The following CSMD2 variants were observed in gnomAD, a reference collection of about 807,000 sequenced individuals.
CSMD2 encodes the protein CUB and sushi domain-containing protein 2.
Under a neutral mutation model 398.5 loss-of-function variants are expected in CSMD2, and 130 were observed. That is an observed-to-expected ratio of 0.33 (90% CI 0.28 to 0.38). The LOEUF is 0.38. CSMD2 is among the 10% of genes least tolerant of loss of function. CSMD2 has a pLI of 1.00. For synonymous variants in CSMD2, 1,828 were observed against 1,908.5 expected (o/e 0.96, Z 1.10); for missense variants, 3,829 against 4,764.9 (o/e 0.80, Z 5.78).
At chr1:33,926,392 T>C (rs1330138776) in intron 4 of CSMD2, among the ~76,000 whole-genome samples, 1 of 152,174 alleles carries the variant, frequency 6.6e-6, no homozygotes. Context: ...TTCCCAACTG[T>C]AGGCAATGAT....
At chr1:33,631,789 T>C (rs901541752) in intron 32 of CSMD2, among the ~76,000 whole-genome samples, 1 of 152,152 alleles carries the variant, frequency 6.6e-6, no homozygotes, top group African/African-American at 2.4e-5. Context: ...GTAAGTTTTA[T>C]TAAATCCCAG....
intron 2 of CSMD2, among the ~76,000 whole-genome samples, chr1:34,058,616 G>A (rs1437513804): frequency 6.6e-6 from 1 of 152,194 alleles, no homozygotes; most frequent in Non-Finnish European, 1.5e-5. Context: ...TTTAGAGCTG[G>A]AATCACCACC....
At chr1:33,981,090 G>A (rs1646149063) in intron 3 of CSMD2, among the ~76,000 whole-genome samples, 1 of 152,176 alleles carries the variant, frequency 6.6e-6, no homozygotes, top group South Asian at 2.1e-4. Flanking sequence ...TTGGGAGAGA[G>A]GAGAAAGTGC....
chr1:33,529,409 G>A (rs533437682), intron 64 of CSMD2, among the ~76,000 whole-genome samples: 1 of 152,268 alleles, frequency 6.6e-6, no homozygotes, highest in African/African-American at 2.4e-5. Context: ...AAGTAATCAG[G>A]GCTGGGTGGT....
intron 6 of CSMD2, among the ~76,000 whole-genome samples, chr1:33,832,320 A>C (rs866823668): frequency 2.6e-5 from 4 of 151,872 alleles, no homozygotes; most frequent in South Asian, 2.1e-4. Flanking sequence ...GTCTCTCAGA[A>C]CACAGTGCAA....
chr1:33,689,147 C>A (rs1053365035), intron 25 of CSMD2, among the ~76,000 whole-genome samples: 1 of 151,486 alleles, frequency 6.6e-6, no homozygotes, highest in Non-Finnish European at 1.5e-5. Context: ...AGGGGGAGGA[C>A]GGAGTGAGCA....
In CSMD2 at chr1:33,929,671, C is replaced by T. The variant is rs531358926; in HGVS notation, c.712+6089G>A. On this transcript the variant is annotated intron_variant, in intron 4 of 70. Transcript: ENST00000373381. ...CAGGCTGGTCTCAAACTCCTGATCT[C>T]GCGATCTGCCCGCTTCAGCCTCCGC... Among the ~76,000 whole-genome samples the T allele has an allele frequency of 5.3e-5, 8 of 152,172 alleles. 1 individual carries two copies. Among genetic ancestry groups the T allele is most frequent in the African/African-American group, 1.7e-4 (7 of 41,508 alleles).
At chr1:33,793,606 G>A (rs1654592725) in intron 10 of CSMD2, among the ~76,000 whole-genome samples, 1 of 152,198 alleles carries the variant, frequency 6.6e-6, no homozygotes, top group Non-Finnish European at 1.5e-5. Flanking sequence ...CAGGGGAGGA[G>A]CAGTAGAGTT....
rs549465253 is a variant in CSMD2 at position 33,798,262 on chromosome 1, C to A, written c.1447-5736G>T. On this transcript the variant is annotated intron_variant, in intron 10 of 70. Transcript: ENST00000373381. ...GGCACATTTGTATACAGCTCAGACA[C>A]CCAATTTAAACCCATTAGATAAATG... Among the ~76,000 whole-genome samples the A allele has an allele frequency of 1.2e-4, 18 of 152,290 alleles. No individual in the cohort carries two copies. The South Asian group carries it at 2.9e-3, about 25-fold the overall frequency.
At chr1:34,114,294 TTTG>T (rs71571768) in intron 1 of CSMD2, among the ~76,000 whole-genome samples, 9 of 150,766 alleles carry the variant, frequency 6.0e-5, no homozygotes, top group African/African-American at 9.7e-5. Flanking sequence ...GGAGAACTCC[TTTG>T]TTGTTGTTGT....
At chr1:33,861,792 A>T (rs564978596) in intron 5 of CSMD2, among the ~76,000 whole-genome samples, 148 of 152,306 alleles carry the variant, frequency 9.7e-4, no homozygotes, top group African/African-American at 3.4e-3. Context: ...GAAAGGGGGC[A>T]ATGCCTGTAC....
At position 33,658,073 on chromosome 1, in the gene CSMD2, A is replaced by G. The variant is rs1265819569; in HGVS notation, c.4320T>C (p.Ser1440=). The part of the protein sequence containing the change: ...IPQNGSRSGD[S]WEAGDSTVFQ... ...ACACTGTGGAGTCGCCGGCTTCCCA[A>G]CTGTCACCACTCCGACTCCCATTCT... The change falls in exon 27 of 71, where the codon AGT becomes AGC. Residue 1440 remains serine (S), a synonymous_variant. Transcript: ENST00000373381. The G allele has an allele frequency of 6.2e-7, 1 of 1,614,116 alleles. No homozygotes were observed. Among genetic ancestry groups the G allele is most frequent in the Non-Finnish European group, 8.5e-7 (1 of 1,180,024 alleles).
intron 25 of CSMD2, among the ~76,000 whole-genome samples, chr1:33,674,029 G>A (rs552757185): frequency 6.6e-6 from 1 of 152,268 alleles, no homozygotes; most frequent in African/African-American, 2.4e-5. Context: ...AGACCATCAA[G>A]GCTAGGAAGA....
At chr1:33,688,920 C>CT (rs527566770) in intron 25 of CSMD2, among the ~76,000 whole-genome samples, 18 of 151,924 alleles carry the variant, frequency 1.2e-4, no homozygotes, top group Admixed American at 8.5e-4. Context: ...CACAAAGGGG[C>CT]TTTTTGTGTT....
chr1:33,730,996 G>A (rs1291525538), intron 15 of CSMD2, among the ~76,000 whole-genome samples: 2 of 152,154 alleles, frequency 1.3e-5, no homozygotes, highest in Non-Finnish European at 2.9e-5. Flanking sequence ...AGAAATAACT[G>A]ATTCTGGGTC....
intron 22 of CSMD2, among the ~76,000 whole-genome samples, chr1:33,704,929 AT>A (rs61275822): frequency 0.031 from 4,313 of 140,382 alleles, 155 homozygotes; most frequent in African/African-American, 0.097. Context: ...CGTCCCGCTA[AT>A]TTTTTTTTTT....
At chr1:33,848,825 T>TC (rs397739802) in intron 5 of CSMD2, among the ~76,000 whole-genome samples, 17 of 151,014 alleles carry the variant, frequency 1.1e-4, no homozygotes, top group Admixed American at 4.6e-4. Context: ...TTTTTTTTTT[T>TC]CTCCAGGCCA....
At chr1:33,876,138 G>T (rs1640824990) in intron 5 of CSMD2, among the ~76,000 whole-genome samples, 1 of 152,194 alleles carries the variant, frequency 6.6e-6, no homozygotes, top group Admixed American at 6.5e-5. Context: ...AAGACAGATT[G>T]CCTGGTCTTA....
intron 4 of CSMD2, among the ~76,000 whole-genome samples, chr1:33,926,817 C>A (rs945103617): frequency 6.6e-6 from 1 of 152,172 alleles, no homozygotes; most frequent in Non-Finnish European, 1.5e-5. Flanking sequence ...TTAAGTTCTA[C>A]GGAAATCTCT....
Sources: gnomAD v4.1 joint callset for allele counts (sites outside exome capture counted in the v4.1 genomes callset) on GRCh38, gnomAD v4.1.1 for gene constraint, MANE v1.5 for transcripts, NCBI Gene and HGNC (gene_info 2026-07-23, HGNC 2026-07-21) for gene names.